The following TDRD7 variants were observed in gnomAD, a reference collection of about 807,000 sequenced individuals.
TDRD7 encodes the protein tudor domain-containing protein 7.
A neutral mutation model predicts 109.8 loss-of-function variants in TDRD7; 47 were observed. That is an observed-to-expected ratio of 0.43 (90% CI 0.34 to 0.55). The LOEUF is 0.55. Among genes scored for constraint, TDRD7 ranks in the 20% least tolerant of loss-of-function variants. TDRD7 has a pLI of 0.03. For missense variants in TDRD7, 1,164 were observed against 1,319.2 expected, an observed-to-expected ratio of 0.88 and a Z score of 1.82; for synonymous variants, 424 against 457.3, an observed-to-expected ratio of 0.93 and a Z score of 0.93.
intron 12 of TDRD7, among the ~76,000 whole-genome samples, chr9:97,476,242 C>T (rs1458399451): frequency 6.6e-6 from 1 of 152,192 alleles, no homozygotes; most frequent in Admixed American, 6.5e-5. Flanking sequence ...AAGGCCATGT[C>T]TCCTGCCCAA....
At chr9:97,483,406 A>G (rs1433227196) in intron 15 of TDRD7, 55 bp downstream of exon 15, 3 of 1,598,684 alleles carry the variant, frequency 1.9e-6, no homozygotes, top group Non-Finnish European at 1.7e-6. Flanking sequence ...GTGTAAAATG[A>G]TGCCAGAGTC....
rs114565950 is a variant in TDRD7 at position 97,455,994 on chromosome 9, A to G, written c.856-4184A>G. ...AGCAAAGTCTTAGGATACAAAACCA[A>G]CATGCAAAAATCACAAGCATTTCTT... is the stretch of plus-strand genomic sequence containing the variant. On this transcript the variant is annotated intron_variant, in intron 6 of 16. Transcript: ENST00000355295. Among the ~76,000 whole-genome samples, 331 of 152,326 alleles carry G rather than the reference A, an allele frequency of 2.2e-3. 1 individual carries two copies. Among genetic ancestry groups the G allele is most frequent in the African/African-American group, 7.5e-3 (311 of 41,570 alleles).
intron 4 of TDRD7, among the ~76,000 whole-genome samples, chr9:97,435,982 A>G (rs1340231341): frequency 6.6e-6 from 1 of 152,196 alleles, no homozygotes; most frequent in Non-Finnish European, 1.5e-5. Context: ...ACATTTACAT[A>G]TGCATACATA....
chr9:97,476,974 C>A (rs1829032829), intron 12 of TDRD7, among the ~76,000 whole-genome samples: 1 of 151,902 alleles, frequency 6.6e-6, no homozygotes, highest in Non-Finnish European at 1.5e-5. Context: ...AGGCTGAAAT[C>A]TCGGGTCATA....
rs1828998973 is a variant in TDRD7 at position 97,475,307 on chromosome 9, G to T, written c.2080-76G>T. Reference sequence around the variant, plus strand: ...CGGTTAAGTCTGCCAGTGCCACAGCGATCTGTTTTTCTAATGGTGTAGCAA... The same window carrying T: ...CGGTTAAGTCTGCCAGTGCCACAGCTATCTGTTTTTCTAATGGTGTAGCAA... On this transcript the variant is annotated intron_variant, in intron 11 of 16. Transcript: ENST00000355295. 3 of 1,165,798 alleles carry T rather than the reference G, an allele frequency of 2.6e-6. No individual in the cohort carries two copies. The Admixed American group carries it at 5.4e-5, about 21-fold the overall frequency. 72.2% of individuals were successfully genotyped at this position (1,165,798 alleles called of 1,614,324 possible).
chr9:97,464,959 G>A lies in TDRD7; in HGVS notation c.1560G>A (p.Leu520=), dbSNP rs1249694583. 6.2e-7 allele frequency: 1 copy of A among 1,614,106 alleles called. No individual in the cohort carries two copies. Among genetic ancestry groups the A allele is most frequent in the Non-Finnish European group, 8.5e-7 (1 of 1,180,028 alleles). ...PVQAVNVGQL[L]AVNAEEDAWL... ...AGGCTGTGAATGTTGGGCAGTTGCT[G>A]GCCGTAAATGCCGAGGAGGACGCCT... is the stretch of plus-strand genomic sequence containing the variant. The change falls in exon 8 of 17, where the codon CTG becomes CTA. Residue 520 remains leucine, a synonymous_variant. Transcript: ENST00000355295.
rs753654157 is a variant in TDRD7, at chr9:97,470,713, A to G, written c.1741+44A>G. ...AAAACTCTCTCCATTTCAATAGGCT[A>G]TTACCACTGTACATTTGGATAGTTG... On this transcript the variant is annotated intron_variant, in intron 9 of 16. Coordinates refer to ENST00000355295, the MANE Select transcript of TDRD7 (RefSeq NM_014290.3). 35 of 1,411,296 alleles carry G rather than the reference A, an allele frequency of 2.5e-5. No homozygotes were observed. The East Asian group carries it at 3.7e-4, about 15-fold the overall frequency. The allele number at this position is 1,411,296 out of a possible 1,614,324, so 87.4% of individuals were successfully genotyped here. A position where few individuals can be genotyped will look rare whatever the true frequency, so the allele number is the denominator to read the frequency against.
chr9:97,474,748 C>T (rs1828984990), intron 11 of TDRD7, among the ~76,000 whole-genome samples: 1 of 152,130 alleles, frequency 6.6e-6, no homozygotes, highest in African/African-American at 2.4e-5. Context: ...CTCGATATTT[C>T]CTACTGCACT....
At chr9:97,455,721 T>A (rs1828594719) in intron 6 of TDRD7, among the ~76,000 whole-genome samples, 1 of 152,188 alleles carries the variant, frequency 6.6e-6, no homozygotes, top group Admixed American at 6.5e-5. Flanking sequence ...AATATCATAT[T>A]GAATGTGCAA....
At chr9:97,471,999 ATG>A (rs1828924043) in intron 9 of TDRD7, among the ~76,000 whole-genome samples, 1 of 152,180 alleles carries the variant, frequency 6.6e-6, no homozygotes. Flanking sequence ...ATATGTGTTC[ATG>A]TATAAAGTGA....
Position 97,483,115 on chromosome 9 carries a change from G to T in TDRD7, c.2679G>T (p.Thr893=). The change falls in exon 15 of 17, where the codon ACG becomes ACT. Residue 893 remains threonine (T), a synonymous_variant. Coordinates refer to ENST00000355295, the MANE Select transcript of TDRD7 (RefSeq NM_014290.3). ...TCAAAAAGTCCATGGTGGACCATAC[G>T]AGCGCTTTCTCCACAGAGGAACTGC... ...DVIKKSMVDH[T]SAFSTEELPP... is the part of the protein sequence containing the mutation. 1 of 1,614,124 alleles carries T rather than the reference G, an allele frequency of 6.2e-7. No individual in the cohort carries two copies. Among genetic ancestry groups the T allele is most frequent in the Non-Finnish European group, 8.5e-7 (1 of 1,180,016 alleles).
chr9:97,458,921 C>T (rs116826874), intron 6 of TDRD7, among the ~76,000 whole-genome samples: 1 of 152,110 alleles, frequency 6.6e-6, no homozygotes, highest in African/African-American at 2.4e-5. Flanking sequence ...AGTAAAAAGT[C>T]AGTGTTCTTT....
At chr9:97,439,378 G>A in intron 5 of TDRD7, 60 bp downstream of exon 5, 1 of 1,412,792 alleles carries the variant, frequency 7.1e-7, no homozygotes, top group Non-Finnish European at 9.9e-7. Flanking sequence ...AAACATATCT[G>A]GTGGTGGCTT....
chr9:97,480,995 C>A, intron 14 of TDRD7, 57 bp downstream of exon 14: 2 of 1,474,532 alleles, frequency 1.4e-6, no homozygotes, highest in Non-Finnish European at 1.9e-6. Context: ...GCTGTCAGGG[C>A]TCATTTAGTT....
At chr9:97,482,654 A>T (rs1239580881) in intron 14 of TDRD7, among the ~76,000 whole-genome samples, 195 bp from the exon 15 acceptor site, 2 of 152,166 alleles carry the variant, frequency 1.3e-5, no homozygotes, top group African/African-American at 4.8e-5. Context: ...ATAAGGCTGC[A>T]CTGTTCCCTA....
intron 1 of TDRD7, among the ~76,000 whole-genome samples, chr9:97,418,260 G>A (rs1043890621): frequency 7.2e-5 from 11 of 152,164 alleles, no homozygotes; most frequent in African/African-American, 2.4e-4. Flanking sequence ...TGTGAGGTTG[G>A]ATAGGGTGGG....
intron 7 of TDRD7, 54 bp from the exon 8 acceptor site, chr9:97,464,788 G>A (rs1183624045): frequency 1.2e-6 from 2 of 1,603,910 alleles, no homozygotes; most frequent in Non-Finnish European, 1.7e-6. Flanking sequence ...AATTCCTATT[G>A]CTTTTCTTCT....
chr9:97,481,752 A>G (rs142132140), intron 14 of TDRD7, among the ~76,000 whole-genome samples: 102 of 152,348 alleles, frequency 6.7e-4, no homozygotes, highest in Non-Finnish European at 1.2e-3. Context: ...AAGCCAGAAT[A>G]TTGGATGGTT....
At chr9:97,421,584 T>A (rs946114912) in intron 1 of TDRD7, among the ~76,000 whole-genome samples, 3 of 152,174 alleles carry the variant, frequency 2.0e-5, no homozygotes, top group African/African-American at 7.2e-5. Context: ...ATCCAATTTG[T>A]CAATTTCTTC....
Sources: gnomAD v4.1 joint callset for allele counts (sites outside exome capture counted in the v4.1 genomes callset) on GRCh38, gnomAD v4.1.1 for gene constraint, MANE v1.5 for transcripts, NCBI Gene and HGNC (gene_info 2026-07-23, HGNC 2026-07-21) for gene names.